Variants in SMAD3 observed in about 807,000 individuals in gnomAD.
SMAD3 encodes SMAD family member 3, also known as MAD homolog 3.
Under a neutral mutation model 51.8 loss-of-function variants are expected in SMAD3, and 12 were observed. That is an observed-to-expected ratio of 0.23 (90% CI 0.15 to 0.38). The LOEUF (loss-of-function observed/expected upper bound fraction) is 0.38. SMAD3 is among the 10% of genes least tolerant of loss of function. SMAD3 has a pLI of 1.00. For synonymous variants in SMAD3, 238 were observed against 227.7 expected, an observed-to-expected ratio of 1.05 and a Z score of -0.41; for missense variants, 294 against 565.6, an observed-to-expected ratio of 0.52 and a Z score of 4.87.
At position 67,192,560 on chromosome 15, in the gene SMAD3, CT is replaced by C. The variant is rs1963393352; in HGVS notation, c.*2026del. 1 of 233,238 alleles carries C rather than the reference CT, an allele frequency of 4.3e-6. No homozygotes were observed. The highest frequency in any genetic ancestry group is 8.5e-6 in the Non-Finnish European group (1 of 118,012). 14.4% of individuals were successfully genotyped at this position (233,238 alleles called of 1,614,324 possible). On this transcript the variant is annotated 3_prime_UTR_variant, in exon 9 of 9. Coordinates refer to ENST00000327367, the MANE Select transcript of SMAD3 (RefSeq NM_005902.4). ...CCAGGAACCAAATATTCCATTTTGG[CT>C]TCTGCTAGAGCAGTCATGGTTCCTC...
At chr15:67,146,747 A>G (rs1693691239) in intron 1 of SMAD3, among the ~76,000 whole-genome samples, 2 of 152,098 alleles carry the variant, frequency 1.3e-5, no homozygotes, top group South Asian at 4.1e-4. Flanking sequence ...TCAGGGTCAG[A>G]CTTTAAGGTG....
intron 1 of SMAD3, among the ~76,000 whole-genome samples, chr15:67,107,537 G>A (rs1004476024): frequency 1.4e-4 from 22 of 152,300 alleles, no homozygotes; most frequent in African/African-American, 4.8e-4. Context: ...TCCGTCATTC[G>A]GCTGCGAGTA....
At chr15:67,161,501 A>G (rs1014276777) in intron 1 of SMAD3, among the ~76,000 whole-genome samples, 2 of 152,164 alleles carry the variant, frequency 1.3e-5, no homozygotes, top group Admixed American at 6.5e-5. Flanking sequence ...AGAGGAGGCT[A>G]TGATGTCCAG....
chr15:67,166,900 G>A lies in SMAD3; in HGVS notation c.607+47G>A, dbSNP rs375235673. On this transcript the variant is annotated intron_variant, in intron 4 of 8. Coordinates refer to ENST00000327367, the MANE Select transcript of SMAD3 (RefSeq NM_005902.4). ...TCTTATTCTTAACTGATTAGCAGCT[G>A]GTGGGTTCATCCCTTCCATCCCTTC... The A allele has an allele frequency of 2.8e-6, 4 of 1,449,658 alleles. No individual in the cohort carries two copies. The African/African-American group carries it at 5.6e-5, about 20-fold the overall frequency. 89.8% of individuals were successfully genotyped at this position (1,449,658 alleles called of 1,614,324 possible). A position where few individuals can be genotyped will look rare whatever the true frequency, so the allele number is the denominator to read the frequency against.
intron 1 of SMAD3, among the ~76,000 whole-genome samples, chr15:67,102,267 T>C (rs1222420352): frequency 7.6e-5 from 10 of 131,962 alleles, no homozygotes; most frequent in African/African-American, 2.5e-4. Context: ...TGTGTGTGTG[T>C]GCGGTGTGTG....
chr15:67,129,218 A>G (rs1961464167), intron 1 of SMAD3, among the ~76,000 whole-genome samples: 1 of 152,224 alleles, frequency 6.6e-6, no homozygotes, highest in Non-Finnish European at 1.5e-5. Context: ...TCTCTCAAGA[A>G]GGAATTTCAG....
At chr15:67,118,538 A>G (rs1204891082) in intron 1 of SMAD3, among the ~76,000 whole-genome samples, 1 of 152,088 alleles carries the variant, frequency 6.6e-6, no homozygotes, top group Non-Finnish European at 1.5e-5. Context: ...GGGTGAGGGG[A>G]GATGTAAAGA....
intron 1 of SMAD3, among the ~76,000 whole-genome samples, chr15:67,086,144 A>ATG (rs1330920234): frequency 6.6e-6 from 1 of 152,092 alleles, no homozygotes; most frequent in East Asian, 1.9e-4. Flanking sequence ...GCCCTTACAA[A>ATG]TGCCCACACT....
In SMAD3 at chr15:67,190,670, C is replaced by T. The variant is rs1963339237; in HGVS notation, c.*134C>T. The T allele has an allele frequency of 3.2e-6, 3 of 924,732 alleles. No individual in the cohort carries two copies. In the Admixed American group the frequency reaches 6.3e-5, roughly 20 times the overall value. The allele number at this position is 924,732 out of a possible 1,614,324, so 57.3% of individuals were successfully genotyped here. On this transcript the variant is annotated 3_prime_UTR_variant, in exon 9 of 9. Coordinates refer to ENST00000327367, the MANE Select transcript of SMAD3 (RefSeq NM_005902.4). ...TTCTCCCTCAACTGAAGGGGTGCAC[C>T]CACCTGTTTTCTGAAACACACGAGC...
chr15:67,178,425 C>T (rs1289799098), intron 5 of SMAD3, among the ~76,000 whole-genome samples: 1 of 152,138 alleles, frequency 6.6e-6, no homozygotes, highest in Non-Finnish European at 1.5e-5. Flanking sequence ...CTGAGTAAGT[C>T]AGGGCCAGTC....
chr15:67,080,692 A>T (rs1220100269), intron 1 of SMAD3, among the ~76,000 whole-genome samples: 1 of 152,240 alleles, frequency 6.6e-6, no homozygotes, highest in Non-Finnish European at 1.5e-5. Context: ...AGGAATTAAA[A>T]ATAACAGTAA....
chr15:67,103,738 A>T lies in SMAD3; in HGVS notation c.206+37378A>T, dbSNP rs183644801. 2.2e-4 allele frequency among the ~76,000 whole-genome samples: 34 copies of T among 152,348 alleles called. No homozygotes were observed. In the East Asian group the frequency reaches 2.7e-3, roughly 12 times the overall value. ...ACATAGCACAACAAGGAGCTGGAAC[A>T]GAGCTGCAACAATGAGGAGGGTTTC... On this transcript the variant is annotated intron_variant, in intron 1 of 8. Coordinates refer to ENST00000327367, the MANE Select transcript of SMAD3 (RefSeq NM_005902.4).
intron 1 of SMAD3, among the ~76,000 whole-genome samples, chr15:67,090,949 G>A (rs12904824): frequency 0.62 from 94,910 of 152,118 alleles, 30,012 homozygotes; most frequent in East Asian, 0.79. Flanking sequence ...GCAGGGTTGC[G>A]TCTTGAGCTC....
intron 1 of SMAD3, among the ~76,000 whole-genome samples, chr15:67,107,670 C>T (rs1205186245): frequency 6.6e-6 from 1 of 152,224 alleles, no homozygotes; most frequent in Non-Finnish European, 1.5e-5. Context: ...ACAGGGCCTC[C>T]CTCTGTCCCT....
At chr15:67,072,311 C>G (rs775404343) in intron 1 of SMAD3, among the ~76,000 whole-genome samples, 2 of 152,178 alleles carry the variant, frequency 1.3e-5, no homozygotes, top group African/African-American at 4.8e-5. Context: ...GCGTGAGCTC[C>G]TTAATGAAAT....
In SMAD3 at chr15:67,177,136, G is replaced by A. The variant is rs1205394554; in HGVS notation, c.659-4105G>A. On this transcript the variant is annotated intron_variant, in intron 5 of 8. Transcript: ENST00000327367. ...AGGGGAGGGGTTGCCACCTCCCCCT[G>A]AGAGATTTCTTTTAAGATTTAATGC... 3.3e-5 allele frequency among the ~76,000 whole-genome samples: 5 copies of A among 152,262 alleles called. No individual in the cohort carries two copies. The East Asian group carries it at 9.7e-4, about 29-fold the overall frequency.
At chr15:67,122,742 A>G (rs1274480371) in intron 1 of SMAD3, among the ~76,000 whole-genome samples, 3 of 152,128 alleles carry the variant, frequency 2.0e-5, no homozygotes, top group Non-Finnish European at 4.4e-5. Context: ...TAGGGTGGTA[A>G]GGAATAGGGC....
intron 1 of SMAD3, among the ~76,000 whole-genome samples, chr15:67,155,843 C>T (rs28434383): frequency 0.36 from 53,965 of 151,716 alleles, 10,227 homozygotes; most frequent in African/African-American, 0.49. Context: ...AAAATTTAGC[C>T]GGGTGTGGTG....
At chr15:67,138,261 A>T (rs1190772875) in intron 1 of SMAD3, 8 of 589,388 alleles carry the variant, frequency 1.4e-5, no homozygotes, top group Admixed American at 2.7e-5. Flanking sequence ...ACTGTAGGAA[A>T]CCCCCTGTGT....
Sources: allele counts gnomAD v4.1 joint callset (sites outside exome capture counted in the v4.1 genomes callset), GRCh38; gene constraint gnomAD v4.1.1; transcripts MANE v1.5; gene names NCBI Gene and HGNC (gene_info 2026-07-23, HGNC 2026-07-21).